Variants in EML4 observed in about 807,000 individuals in gnomAD.
EML4 encodes echinoderm microtubule-associated protein-like 4.
A neutral mutation model predicts 129.0 loss-of-function variants in EML4; 72 were observed. The ratio of observed to expected loss-of-function variants is 0.56; its 90% confidence interval spans 0.46 to 0.68. The LOEUF is 0.68. Ranked by LOEUF, EML4 falls within the 30% of genes least tolerant of loss-of-function variation. EML4 has a pLI of 0.00. For missense variants in EML4, 1,363 were observed against 1,190.6 expected, an observed-to-expected ratio of 1.14 and a Z score of -2.13; for synonymous variants, 532 against 405.0, an observed-to-expected ratio of 1.31 and a Z score of -3.77.
At chr2:42,204,098 T>C (rs974901010) in intron 1 of EML4, among the ~76,000 whole-genome samples, 3 of 152,102 alleles carry the variant, frequency 2.0e-5, no homozygotes, top group African/African-American at 7.2e-5. Flanking sequence ...TTTTAAATTT[T>C]TTAATAGAGA....
At position 42,256,765 on chromosome 2, in the gene EML4, A is replaced by C. The variant is rs17029448; in HGVS notation, c.338+135A>C. On this transcript the variant is annotated intron_variant, in intron 3 of 22. Transcript: ENST00000318522. Reference sequence around the variant, plus strand: ...ATGTCCTTTGAATTCTTAAACTGTGAAAGTAGAGACATTTAGCCTGTGCTC... The same window carrying C: ...ATGTCCTTTGAATTCTTAAACTGTGCAAGTAGAGACATTTAGCCTGTGCTC... 13,460 of 1,122,070 alleles carry C rather than the reference A, an allele frequency of 0.012. 1,101 individuals carry two copies. The African/African-American group carries it at 0.18, about 15-fold the overall frequency. The allele number at this position is 1,122,070 out of a possible 1,614,324, so 69.5% of individuals were successfully genotyped here. A position where few individuals can be genotyped will look rare whatever the true frequency, so the allele number is the denominator to read the frequency against.
intron 3 of EML4, among the ~76,000 whole-genome samples, chr2:42,260,293 G>A (rs551298079): frequency 3.4e-4 from 52 of 152,128 alleles, no homozygotes; most frequent in African/African-American, 1.2e-3. Context: ...TCAGCCTCCC[G>A]AGTAGCTGGG....
At chr2:42,220,783 G>T (rs1673542300) in intron 1 of EML4, among the ~76,000 whole-genome samples, 1 of 152,172 alleles carries the variant, frequency 6.6e-6, no homozygotes, top group Admixed American at 6.5e-5. Context: ...AGTTTCTGAA[G>T]AGTGCTACTC....
chr2:42,273,577 T>C (rs992360159), intron 6 of EML4, among the ~76,000 whole-genome samples: 1 of 152,130 alleles, frequency 6.6e-6, no homozygotes, highest in African/African-American at 2.4e-5. Context: ...GGTTCATATC[T>C]TTTACACTGT....
rs577459696 is a variant in EML4, at chr2:42,271,587, C to T, written c.667+6856C>T. Among the ~76,000 whole-genome samples the T allele has an allele frequency of 7.9e-5, 12 of 152,252 alleles. No individual in the cohort carries two copies. In the South Asian group the frequency reaches 2.5e-3, roughly 32 times the overall value. ...TCCTTATTTTCAGCGAAGAAAAAAG[C>T]CCCAACTGCCTTCTCTGGACATCAA... On this transcript the variant is annotated intron_variant, in intron 6 of 22. Transcript: ENST00000318522.
rs551176907 is a variant in EML4 at position 42,283,303 on chromosome 2, T to G, written c.941+331T>G. On this transcript the variant is annotated intron_variant, in intron 8 of 22. Transcript: ENST00000318522. The stretch of plus-strand genomic sequence containing the variant: ...ACATTTTCAGGTTTCTGAAAGTGAT[T>G]ATTGGTTACTCGATATTTATTGAGG... 2.0e-5 allele frequency among the ~76,000 whole-genome samples: 3 copies of G among 152,308 alleles called. No homozygotes were observed. In the East Asian group the frequency reaches 5.8e-4, roughly 29 times the overall value.
intron 13 of EML4, 73 bp from the exon 14 acceptor site, chr2:42,301,167 GT>G (rs982309528): frequency 1.5e-6 from 2 of 1,346,766 alleles, no homozygotes; most frequent in Non-Finnish European, 2.1e-6. Context: ...TTCTACTGAA[GT>G]TTTCTTCCAA....
chr2:42,301,590 A>G (rs551063781), intron 14 of EML4, among the ~76,000 whole-genome samples, 198 bp downstream of exon 14: 2 of 152,022 alleles, frequency 1.3e-5, no homozygotes, highest in South Asian at 2.1e-4. Context: ...AATTTGAAAG[A>G]CTATTTTTAA....
chr2:42,241,839 T>C (rs1023649343), intron 1 of EML4, among the ~76,000 whole-genome samples: 3 of 146,664 alleles, frequency 2.0e-5, no homozygotes, highest in African/African-American at 7.9e-5. Flanking sequence ...TTTCCTCCAG[T>C]GTAAAATATA....
intron 1 of EML4, among the ~76,000 whole-genome samples, chr2:42,206,851 G>C (rs976389842): frequency 6.6e-6 from 1 of 152,148 alleles, no homozygotes; most frequent in African/African-American, 2.4e-5. Flanking sequence ...GACAGTCCTG[G>C]ATTCAAATTC....
chr2:42,255,147 G>A (rs190456696), intron 2 of EML4, among the ~76,000 whole-genome samples: 5 of 151,854 alleles, frequency 3.3e-5, no homozygotes, highest in African/African-American at 1.2e-4. Flanking sequence ...GTGCAGTGGT[G>A]CGATCCCCAC....
chr2:42,309,834 C>T (rs937311034), intron 17 of EML4, among the ~76,000 whole-genome samples: 2 of 152,126 alleles, frequency 1.3e-5, no homozygotes, highest in African/African-American at 4.8e-5. Flanking sequence ...GTGGTCTTTT[C>T]ACTTTCTTGA....
intron 17 of EML4, among the ~76,000 whole-genome samples, chr2:42,307,641 T>TTTTTA (rs931368465): frequency 7.2e-5 from 11 of 152,238 alleles, no homozygotes; most frequent in African/African-American, 1.9e-4. Context: ...GGTTAAGAAA[T>TTTTTA]TTTTATTTTA....
rs375707062 is a variant in EML4, at chr2:42,306,484, C to CTTTTTTTTT, written c.1967+1951_1967+1959dup. On this transcript the variant is annotated intron_variant, in intron 17 of 22. Transcript: ENST00000318522. Reference sequence around the variant, plus strand: ...GTGTCTGATGACCTTGTGCTAAATCCTTTTTTTTTTTTTTTTTTTTTTTTT... The same window carrying CTTTTTTTTT: ...GTGTCTGATGACCTTGTGCTAAATCCTTTTTTTTTTTTTTTTTTTTTTTTTTTTTTTTTT... Among the ~76,000 whole-genome samples the CTTTTTTTTT allele has an allele frequency of 2.3e-4, 17 of 74,604 alleles. 1 individual carries two copies. The highest frequency in any genetic ancestry group is 5.6e-4 in the East Asian group (1 of 1,796). 48.9% of individuals were successfully genotyped at this position (74,604 alleles called of 152,430 possible). A position where few individuals can be genotyped will look rare whatever the true frequency, so the allele number is the denominator to read the frequency against.
chr2:42,235,545 C>G (rs1157560734), intron 1 of EML4, among the ~76,000 whole-genome samples: 1 of 152,154 alleles, frequency 6.6e-6, no homozygotes, highest in African/African-American at 2.4e-5. Context: ...GTTAGCTTCT[C>G]TAATCTAACC....
chr2:42,175,345 C>G (rs1670539465), intron 1 of EML4, among the ~76,000 whole-genome samples: 1 of 151,268 alleles, frequency 6.6e-6, no homozygotes, highest in African/African-American at 2.4e-5. Flanking sequence ...GATCGCCTGA[C>G]CTTGTTATTC....
intron 3 of EML4, among the ~76,000 whole-genome samples, chr2:42,259,106 G>T (rs1190276779): frequency 3.9e-5 from 6 of 152,130 alleles, no homozygotes; most frequent in South Asian, 2.1e-4. Context: ...AATTAGCTGG[G>T]TGTGGTGGCG....
intron 7 of EML4, among the ~76,000 whole-genome samples, chr2:42,282,414 A>G (rs10200353): frequency 0.12 from 18,363 of 151,002 alleles, 1,237 homozygotes; most frequent in East Asian, 0.22. Context: ...GTGGGCGGCA[A>G]CAGGGTCTCT....
At chr2:42,225,426 A>G (rs746102999) in intron 1 of EML4, among the ~76,000 whole-genome samples, 4 of 152,156 alleles carry the variant, frequency 2.6e-5, no homozygotes, top group Non-Finnish European at 5.9e-5. Context: ...GATAATTTGT[A>G]TATCTTCTTT....
Sources: gnomAD v4.1 joint callset for allele counts (sites outside exome capture counted in the v4.1 genomes callset) on GRCh38, gnomAD v4.1.1 for gene constraint, MANE v1.5 for transcripts, NCBI Gene and HGNC (gene_info 2026-07-23, HGNC 2026-07-21) for gene names.